The following GNAO1 variants were observed in gnomAD, a reference collection of about 807,000 sequenced individuals.
GNAO1 encodes G protein subunit alpha o1, also known as guanine nucleotide-binding protein G(o) subunit alpha.
For missense variants in GNAO1, 166 were observed against 478.7 expected (o/e 0.35, Z 6.10); for synonymous variants, 164 against 180.7 (o/e 0.91, Z 0.74).
intron 2 of GNAO1, among the ~76,000 whole-genome samples, chr16:56,222,107 A>G (rs1031647681): frequency 6.6e-6 from 1 of 152,198 alleles, no homozygotes; most frequent in Non-Finnish European, 1.5e-5. Context: ...AGATTGAGAA[A>G]GCCTTTATAA....
chr16:56,257,477 A>G (rs1322346262), intron 2 of GNAO1, among the ~76,000 whole-genome samples: 1 of 152,176 alleles, frequency 6.6e-6, no homozygotes. Flanking sequence ...GCAGCCCTTA[A>G]GTGCAAACAT....
intron 3 of GNAO1, among the ~76,000 whole-genome samples, chr16:56,292,394 C>G (rs898623949): frequency 6.6e-6 from 1 of 152,168 alleles, no homozygotes; most frequent in Non-Finnish European, 1.5e-5. Context: ...CAAGGTCTAG[C>G]TTTATCACCC....
intron 2 of GNAO1, among the ~76,000 whole-genome samples, chr16:56,261,737 G>A (rs763052367): frequency 1.3e-4 from 20 of 152,212 alleles, no homozygotes; most frequent in Non-Finnish European, 2.2e-4. Context: ...AATGGGATGG[G>A]GGCAGCTGCT....
chr16:56,299,078 A>G (rs1181053891), intron 3 of GNAO1, among the ~76,000 whole-genome samples: 2 of 152,192 alleles, frequency 1.3e-5, no homozygotes, highest in East Asian at 3.9e-4. Context: ...CATTTTACAG[A>G]TCAGGAAACC....
chr16:56,330,509 G>T (rs747703748), intron 4 of GNAO1, among the ~76,000 whole-genome samples: 3 of 152,088 alleles, frequency 2.0e-5, no homozygotes, highest in Admixed American at 1.3e-4. Flanking sequence ...GCAGAGGGAT[G>T]TAAAATGAGA....
rs1345700090 is a variant in GNAO1 at position 56,326,813 on chromosome 16, G to C, written c.304-1818G>C. 6.6e-6 allele frequency among the ~76,000 whole-genome samples: 1 copy of C among 152,246 alleles called. No individual in the cohort carries two copies. The highest frequency in any genetic ancestry group is 2.4e-5 in the African/African-American group (1 of 41,466). On this transcript the variant is annotated intron_variant, in intron 3 of 8. Coordinates refer to ENST00000262493, the MANE Select transcript of GNAO1 (RefSeq NM_020988.3). The surrounding 1 kb of genome is among the most constrained non-coding windows in gnomAD (Gnocchi z 4.8). ...CTCTGCTCTCACCTACTCTGCGTTG[G>C]ACATTAAAGGCTGTGGCTGCCTCAG...
At chr16:56,280,553 G>A (rs1256983928) in intron 3 of GNAO1, among the ~76,000 whole-genome samples, 1 of 152,158 alleles carries the variant, frequency 6.6e-6, no homozygotes, top group Non-Finnish European at 1.5e-5. Flanking sequence ...AGGAAATTAT[G>A]ATGATGGCAT....
intron 6 of GNAO1, chr16:56,344,097 C>G: frequency 6.8e-7 from 1 of 1,459,858 alleles, no homozygotes; most frequent in South Asian, 1.4e-5. Flanking sequence ...GAGGGAGCAT[C>G]CTCCACCCGC....
intron 6 of GNAO1, among the ~76,000 whole-genome samples, chr16:56,338,947 G>A (rs2037770479): frequency 6.6e-6 from 1 of 152,234 alleles, no homozygotes; most frequent in Non-Finnish European, 1.5e-5. Flanking sequence ...AAGGGCTGGA[G>A]CAGAGGACCT....
chr16:56,336,839 G>A lies in GNAO1; in HGVS notation c.702G>A (p.Val234=). 6.2e-7 allele frequency: 1 copy of A among 1,612,538 alleles called. No individual in the cohort carries two copies. The highest frequency in any genetic ancestry group is 8.5e-7 in the Non-Finnish European group (1 of 1,179,808). Residue 234 remains valine, a synonymous_variant, in exon 6 of 9, where the codon GTG becomes GTA. Transcript: ENST00000262493. The stretch of plus-strand genomic sequence containing the variant: ...TCGCGCTCAGCGGCTATGACCAGGT[G>A]CTCCACGAAGACGAAACCACGGTGA... ...FCVALSGYDQ[V]LHEDETTNRM...
intron 3 of GNAO1, among the ~76,000 whole-genome samples, chr16:56,318,350 G>T (rs1156767961): frequency 1.3e-5 from 2 of 152,250 alleles, no homozygotes; most frequent in African/African-American, 4.8e-5. Flanking sequence ...AGCGGCTGGG[G>T]TCTCTCTGCC....
At chr16:56,315,689 C>T (rs1567480259) in intron 3 of GNAO1, among the ~76,000 whole-genome samples, 1 of 152,078 alleles carries the variant, frequency 6.6e-6, no homozygotes, top group African/African-American at 2.4e-5. Flanking sequence ...TGGTCAGAAG[C>T]CTTGCTGACA....
At chr16:56,282,006 T>C (rs77069369) in intron 3 of GNAO1, among the ~76,000 whole-genome samples, 69 of 152,382 alleles carry the variant, frequency 4.5e-4, no homozygotes, top group Middle Eastern at 3.4e-3. Flanking sequence ...ATTGAACTTG[T>C]ATGAGGCTTT....
chr16:56,290,116 T>TA (rs1384712765), intron 3 of GNAO1, among the ~76,000 whole-genome samples: 4 of 152,190 alleles, frequency 2.6e-5, no homozygotes, highest in African/African-American at 9.7e-5. Context: ...TTTAGTGAGT[T>TA]ATCTCCTCCA....
At chr16:56,291,382 G>T (rs1312998502) in intron 3 of GNAO1, among the ~76,000 whole-genome samples, 6 of 152,106 alleles carry the variant, frequency 3.9e-5, no homozygotes, top group Admixed American at 3.3e-4. Context: ...ATCTTTTCAT[G>T]TGCTTTTGGC....
intron 2 of GNAO1, chr16:56,226,638 G>A (rs754976834): frequency 6.6e-6 from 1 of 152,196 alleles, no homozygotes; most frequent in Non-Finnish European, 1.5e-5. Flanking sequence ...TTTTGCTCTG[G>A]CCATGTTAAT....
intron 2 of GNAO1, among the ~76,000 whole-genome samples, chr16:56,227,343 A>G (rs1567445850): frequency 1.3e-5 from 2 of 152,160 alleles, no homozygotes; most frequent in African/African-American, 4.8e-5. Context: ...GCCCAGGTGT[A>G]GTGGCCTCTG....
In GNAO1 at chr16:56,348,684, C is replaced by A. The variant is rs142200213; in HGVS notation, c.724-2700C>A. Among the ~76,000 whole-genome samples the A allele has an allele frequency of 4.2e-4, 64 of 152,288 alleles. 1 individual carries two copies. The East Asian group carries it at 0.012, about 28-fold the overall frequency. On this transcript the variant is annotated intron_variant, in intron 6 of 8. Transcript: ENST00000262493. ...GTAAGGATGAGCTGTGCTCTCAGCT[C>A]CTTGGCAATGGGTTCCAGGCAGCGT...
chr16:56,241,415 G>A (rs1171535227), intron 2 of GNAO1, among the ~76,000 whole-genome samples: 1 of 152,150 alleles, frequency 6.6e-6, no homozygotes, highest in Non-Finnish European at 1.5e-5. Flanking sequence ...TTCTCTTCCA[G>A]TGCTTCCCAT....
Sources: gnomAD v4.1 joint callset for allele counts (sites outside exome capture counted in the v4.1 genomes callset) on GRCh38, gnomAD v4.1.1 for gene constraint, Gnocchi (gnomAD v3.1) non-coding constraint, MANE v1.5 for transcripts, NCBI Gene and HGNC (gene_info 2026-07-23, HGNC 2026-07-21) for gene names.